The following KHDRBS1 variants were observed in gnomAD, a reference collection of about 807,000 sequenced individuals.
KHDRBS1 encodes the protein KH domain-containing, RNA-binding, signal transduction-associated protein 1.
KHDRBS1 carries 7 observed loss-of-function variants against 48.4 expected under a neutral mutation model. The observed-to-expected ratio is 0.14, with a 90% CI of 0.08 to 0.27. The LOEUF (loss-of-function observed/expected upper bound fraction) is 0.27. KHDRBS1 is among the 10% of genes least tolerant of loss of function. The pLI is 1.00. For synonymous variants in KHDRBS1, 241 were observed against 235.8 expected (o/e 1.02, Z -0.20); for missense variants, 458 against 601.2 (o/e 0.76, Z 2.49).
chr1:32,045,627 T>A (rs1237071506), downstream of KHDRBS1, among the ~76,000 whole-genome samples: 1 of 152,244 alleles, frequency 6.6e-6, no homozygotes, highest in African/African-American at 2.4e-5. Flanking sequence ...ATCCTGTTAA[T>A]AACCTGATGA....
chr1:32,037,662 C>T (rs1450640175), intron 5 of KHDRBS1, among the ~76,000 whole-genome samples, 173 bp from the exon 6 acceptor site: 4 of 152,128 alleles, frequency 2.6e-5, no homozygotes, highest in Admixed American at 2.0e-4. Context: ...CTCTATAGGA[C>T]CTGGGGGATC....
rs1365545139 is a variant in KHDRBS1 at position 32,037,857 on chromosome 1, C to CG, written c.934dup (p.Ala312GlyfsTer56). On this transcript the variant is annotated frameshift_variant, in exon 6 of 9. Coordinates refer to ENST00000327300, the MANE Select transcript of KHDRBS1 (RefSeq NM_006559.3). LOFTEE classifies it high-confidence loss of function. ...TAGGGGCCGTGGTGTTGGACCACCTCGGGGGGCTTTGGTACGTGGTACACC... is the reference window on the plus strand; with the variant it reads ...TAGGGGCCGTGGTGTTGGACCACCTCGGGGGGGCTTTGGTACGTGGTACACC... 1.9e-6 allele frequency: 3 copies of CG among 1,614,118 alleles called. No individual in the cohort carries two copies. Among genetic ancestry groups the CG allele is most frequent in the Admixed American group, 1.7e-5 (1 of 60,016 alleles).
At position 32,037,039 on chromosome 1, in the gene KHDRBS1, C is replaced by A; in HGVS notation, c.901C>A (p.Pro301Thr). ...RGAAPPPPPV[P>T]RGRGVGPPRG... ...AGCTGCACCTCCTCCACCACCTGTTCCCAGGTAAAAATAATGGAGACACCC... is the reference window on the plus strand; with the variant it reads ...AGCTGCACCTCCTCCACCACCTGTTACCAGGTAAAAATAATGGAGACACCC... The change falls in exon 5 of 9, where the codon CCC becomes ACC. Residue 301 changes from proline to threonine, a missense_variant. By Grantham distance (38) the Pro-to-Thr change is conservative. Coordinates refer to ENST00000327300, the MANE Select transcript of KHDRBS1 (RefSeq NM_006559.3). The A allele has an allele frequency of 6.2e-7, 1 of 1,613,024 alleles. No homozygotes were observed. Among genetic ancestry groups the A allele is most frequent in the South Asian group, 1.1e-5 (1 of 90,966 alleles).
At chr1:32,032,101 C>A (rs1639091610) in intron 3 of KHDRBS1, among the ~76,000 whole-genome samples, 1 of 152,154 alleles carries the variant, frequency 6.6e-6, no homozygotes, top group South Asian at 2.1e-4. Flanking sequence ...ATGTGAGGCT[C>A]ACTAAAAGAA....
At chr1:32,031,489 G>C (rs746901910) in intron 2 of KHDRBS1, 35 bp from the exon 3 acceptor site, 1 of 1,262,672 alleles carries the variant, frequency 7.9e-7, no homozygotes, top group Non-Finnish European at 1.1e-6. Context: ...TTATATAGTA[G>C]CATGTATATT....
intron 10 of KHDRBS1, among the ~76,000 whole-genome samples, chr1:32,059,597 G>A (rs1350338126): frequency 6.6e-6 from 1 of 151,704 alleles, no homozygotes; most frequent in Non-Finnish European, 1.5e-5. Context: ...TTTAGCATGA[G>A]ATCAAGCCCC....
intron 10 of KHDRBS1, among the ~76,000 whole-genome samples, chr1:32,059,191 C>A (rs1639516349): frequency 2.0e-5 from 3 of 146,566 alleles, no homozygotes; most frequent in Non-Finnish European, 4.5e-5. Context: ...AAAACAAAAC[C>A]TTTTAGGCGA....
Position 32,049,990 on chromosome 1 carries a change from G to A in KHDRBS1, n.1301+4600G>A, listed in dbSNP as rs966007389. On this transcript the variant is annotated intron_variant and non_coding_transcript_variant, in intron 10 of 10. Coordinates refer to the KHDRBS1 transcript ENST00000484270. ...TAATTTTTTTAGGAACTGCCAAATTGTTTTCTGCAGAGAGCCTGTACCATT... is the reference window on the plus strand; with the variant it reads ...TAATTTTTTTAGGAACTGCCAAATTATTTTCTGCAGAGAGCCTGTACCATT... Among the ~76,000 whole-genome samples, 7 of 152,116 alleles carry A rather than the reference G, an allele frequency of 4.6e-5. No individual in the cohort carries two copies. The South Asian group carries it at 1.4e-3, about 31-fold the overall frequency.
intron 1 of KHDRBS1, among the ~76,000 whole-genome samples, chr1:32,015,124 G>A (rs1638711865): frequency 1.3e-5 from 2 of 152,192 alleles, no homozygotes; most frequent in Admixed American, 1.3e-4. Flanking sequence ...TTCCCAACGA[G>A]ATGGACAGAA....
chr1:32,050,394 G>T (rs1639404161), intron 10 of KHDRBS1, among the ~76,000 whole-genome samples: 1 of 152,078 alleles, frequency 6.6e-6, no homozygotes, highest in Non-Finnish European at 1.5e-5. Flanking sequence ...TTGAAGTCCA[G>T]TTTATCTGTT....
chr1:32,034,035 G>A (rs1270790883), intron 4 of KHDRBS1, among the ~76,000 whole-genome samples: 1 of 152,176 alleles, frequency 6.6e-6, no homozygotes, highest in Admixed American at 6.5e-5. Context: ...CTTTTAGCAA[G>A]GCCTGGTGGT....
intron 4 of KHDRBS1, among the ~76,000 whole-genome samples, chr1:32,035,268 T>C (rs575562839): frequency 5.8e-4 from 88 of 152,168 alleles, no homozygotes; most frequent in Non-Finnish European, 1.0e-3. Flanking sequence ...TTCCTCAGTG[T>C]TGATGTGGCA....
In KHDRBS1 at chr1:32,033,207, G is replaced by A. The variant is rs1490848036; in HGVS notation, c.644G>A (p.Gly215Asp). The A allele has an allele frequency of 2.5e-6, 4 of 1,613,880 alleles. No individual in the cohort carries two copies. The highest frequency in any genetic ancestry group is 2.5e-6 in the Non-Finnish European group (3 of 1,179,924). ...DKAKEEELRK[G>D]GDPKYAHLNM... Reference sequence around the variant, plus strand: ...CCATAGGAGGAAGAGCTGCGCAAAGGTGGAGACCCCAAATATGCCCACTTG... The same window carrying A: ...CCATAGGAGGAAGAGCTGCGCAAAGATGGAGACCCCAAATATGCCCACTTG... Residue 215 changes from glycine to aspartate, a missense_variant, in exon 4 of 9, where the codon GGT becomes GAT. Transcript: ENST00000327300.
downstream of KHDRBS1, among the ~76,000 whole-genome samples, chr1:32,047,947 T>C (rs1393395949): frequency 6.6e-6 from 1 of 152,196 alleles, no homozygotes; most frequent in Non-Finnish European, 1.5e-5. Flanking sequence ...TCATATAATA[T>C]ATGCTTTTTG....
At chr1:32,045,857 T>C (rs950909344), downstream of KHDRBS1, among the ~76,000 whole-genome samples, 1 of 152,166 alleles carries the variant, frequency 6.6e-6, no homozygotes, top group Non-Finnish European at 1.5e-5. Context: ...ACTCAAACTA[T>C]GTTGGGTCTC....
chr1:32,057,478 T>A (rs1430190100), intron 10 of KHDRBS1, among the ~76,000 whole-genome samples: 1 of 151,428 alleles, frequency 6.6e-6, no homozygotes, highest in African/African-American at 2.4e-5. Context: ...CTGGACCTTC[T>A]TCTTTTCTTT....
At chr1:32,029,359 T>C (rs1019342474) in intron 1 of KHDRBS1, among the ~76,000 whole-genome samples, 24 of 152,222 alleles carry the variant, frequency 1.6e-4, no homozygotes, top group African/African-American at 5.8e-4. Flanking sequence ...AAAATGTTTT[T>C]TTAAAAAGTA....
chr1:32,039,572 T>C lies in KHDRBS1; in HGVS notation c.1233T>C (p.Tyr411=). The C allele has an allele frequency of 2.1e-6, 3 of 1,462,814 alleles. No individual in the cohort carries two copies. Among genetic ancestry groups the C allele is most frequent in the Non-Finnish European group, 2.9e-6 (3 of 1,041,996 alleles). 90.6% of individuals were successfully genotyped at this position (1,462,814 alleles called of 1,614,324 possible). A position where few individuals can be genotyped will look rare whatever the true frequency, so the allele number is the denominator to read the frequency against. The change falls in exon 8 of 9, where the codon TAT becomes TAC. Residue 411 remains tyrosine (Y), a splice_region_variant and synonymous_variant. Coordinates refer to ENST00000327300, the MANE Select transcript of KHDRBS1 (RefSeq NM_006559.3). The part of the protein sequence containing the change: ...HGEVQDSYEA[Y]GQDDWNGTRP... The stretch of plus-strand genomic sequence containing the variant: ...AGGTTCAAGATTCTTATGAAGCTTA[T>C]GGTATGTCTTTATCTCTGTGGTGGG...
At chr1:32,039,807 T>C (rs184106170) in intron 8 of KHDRBS1, among the ~76,000 whole-genome samples, 94 of 152,212 alleles carry the variant, frequency 6.2e-4, no homozygotes, top group African/African-American at 2.2e-3. Context: ...AGGGTAGTGT[T>C]TGTCTTAAAC....
Sources: gnomAD v4.1 joint callset for allele counts (sites outside exome capture counted in the v4.1 genomes callset) on GRCh38, gnomAD v4.1.1 for gene constraint, MANE v1.5 for transcripts, NCBI Gene and HGNC (gene_info 2026-07-23, HGNC 2026-07-21) for gene names.